The following F11R variants were observed in gnomAD, a reference collection of about 807,000 sequenced individuals.
The protein encoded by F11R is junctional adhesion molecule A.
F11R carries 27 observed loss-of-function variants against 39.3 expected under a neutral mutation model. That is an observed-to-expected ratio of 0.69 (90% CI 0.51 to 0.95). The LOEUF (loss-of-function observed/expected upper bound fraction) is 0.95. F11R is among the 40% of genes least tolerant of loss of function. The pLI, the probability that F11R is intolerant of heterozygous loss-of-function variation, is 0.00. For synonymous variants in F11R, 131 were observed against 144.9 expected, an observed-to-expected ratio of 0.90 and a Z score of 0.69; for missense variants, 335 against 372.7, an observed-to-expected ratio of 0.90 and a Z score of 0.83.
At chr1:161,015,437 C>T (rs1435357181) in intron 1 of F11R, among the ~76,000 whole-genome samples, 1 of 142,210 alleles carries the variant, frequency 7.0e-6, no homozygotes, top group East Asian at 2.0e-4. Context: ...TACACACACA[C>T]AAAAATTAGC....
Position 161,001,276 on chromosome 1 carries a change from C to G in F11R, c.133+9G>C, listed in dbSNP as rs1648472996. Reference sequence around the variant, plus strand: ...ACCCTCACACCCTCCATGGCCCCTCCCAACTCACGATTATTCTCAGGAATT... The same window carrying G: ...ACCCTCACACCCTCCATGGCCCCTCGCAACTCACGATTATTCTCAGGAATT... On this transcript the variant is annotated intron_variant, in intron 2 of 9. Coordinates refer to ENST00000368026, the MANE Select transcript of F11R (RefSeq NM_016946.6). The G allele has an allele frequency of 6.2e-7, 1 of 1,613,834 alleles. No homozygotes were observed. The highest frequency in any genetic ancestry group is 2.2e-5 in the East Asian group (1 of 44,870).
At chr1:161,020,671 C>G (rs1034779208) in intron 1 of F11R, among the ~76,000 whole-genome samples, 6 of 152,148 alleles carry the variant, frequency 3.9e-5, no homozygotes, top group Admixed American at 3.9e-4. Flanking sequence ...GCGTGTGGAG[C>G]GCGCGCTGGG....
At chr1:161,015,075 C>T (rs1297164039) in intron 1 of F11R, among the ~76,000 whole-genome samples, 1 of 141,294 alleles carries the variant, frequency 7.1e-6, no homozygotes, top group Non-Finnish European at 1.5e-5. Flanking sequence ...AAGACTCCAT[C>T]TCAAAAAAAA....
intron 1 of F11R, among the ~76,000 whole-genome samples, chr1:161,006,686 G>A (rs1198737446): frequency 5.9e-5 from 9 of 152,154 alleles, no homozygotes; most frequent in African/African-American, 1.7e-4. Flanking sequence ...GATTAACTAC[G>A]TCTGCCTGTG....
At chr1:160,999,222 GTAACAGGACA>G in intron 8 of F11R, 131 bp from the exon 9 acceptor site, 1 of 1,437,550 alleles carries the variant, frequency 7.0e-7, no homozygotes, top group Middle Eastern at 1.8e-4. Context: ...TATGGGTGGG[GTAACAGGACA>G]GACCCAGGGC....
chr1:161,020,904 G>A (rs1557897321), intron 1 of F11R, 106 bp downstream of exon 1: 7 of 953,468 alleles, frequency 7.3e-6, no homozygotes, highest in Middle Eastern at 2.1e-4. Flanking sequence ...AACGATATAG[G>A]AAGGTTTCTG....
intron 1 of F11R, among the ~76,000 whole-genome samples, chr1:161,015,673 A>AAAC (rs1004320593): frequency 2.6e-5 from 4 of 151,142 alleles, no homozygotes; most frequent in African/African-American, 7.3e-5. Flanking sequence ...CCTGTTTCAA[A>AAAC]AACAACAACA....
chr1:161,007,173 A>C (rs1345172119), intron 1 of F11R, among the ~76,000 whole-genome samples: 1 of 139,424 alleles, frequency 7.2e-6, no homozygotes, highest in Admixed American at 7.3e-5. Context: ...GTCTCAAAAA[A>C]AAAAAAAAAA....
chr1:161,004,042 G>A (rs1648652416), intron 1 of F11R, among the ~76,000 whole-genome samples: 1 of 152,048 alleles, frequency 6.6e-6, no homozygotes, highest in South Asian at 2.1e-4. Context: ...GGGATTACAA[G>A]CGTGAGCCAC....
chr1:161,005,567 T>C (rs1219678006), intron 1 of F11R, among the ~76,000 whole-genome samples: 1 of 151,948 alleles, frequency 6.6e-6, no homozygotes, highest in Non-Finnish European at 1.5e-5. Context: ...GAAACAAGGT[T>C]TCATCATGTT....
chr1:161,007,382 TTGAACCTGGGAGGCAGAGGTTGCAG>T (rs1648878538), intron 1 of F11R, among the ~76,000 whole-genome samples: 6 of 151,590 alleles, frequency 4.0e-5, no homozygotes, highest in Admixed American at 3.9e-4. Flanking sequence ...GGAGAATTGC[TTGAACCTGGGAGGCAGAGGTTGCAG>T]TGAGCCAAGA....
At chr1:161,003,453 G>A (rs1648613279) in intron 1 of F11R, among the ~76,000 whole-genome samples, 1 of 151,976 alleles carries the variant, frequency 6.6e-6, no homozygotes, top group Admixed American at 6.6e-5. Flanking sequence ...AGTAGAGATG[G>A]GGTTTCACCA....
chr1:161,016,404 A>G (rs1240781587), intron 1 of F11R, among the ~76,000 whole-genome samples: 1 of 152,132 alleles, frequency 6.6e-6, no homozygotes, highest in Admixed American at 6.6e-5. Flanking sequence ...TGAACCCGGG[A>G]GGTGGAGTTT....
chr1:161,016,163 A>C (rs1571022720), intron 1 of F11R, among the ~76,000 whole-genome samples: 8 of 151,670 alleles, frequency 5.3e-5, no homozygotes, highest in African/African-American at 1.9e-4. Flanking sequence ...CATGGTGAAA[A>C]CCCGTCTCTA....
chr1:161,020,924 C>T (rs1301447393), intron 1 of F11R, 86 bp downstream of exon 1: 15 of 1,204,480 alleles, frequency 1.2e-5, no homozygotes, highest in African/African-American at 4.5e-5. Flanking sequence ...GAGCTCCTCC[C>T]CTCCCGCGGG....
Position 161,000,229 on chromosome 1 carries a change from C to T in F11R, c.508G>A (p.Gly170Arg). ...PPSEYTWFKD[G>R]IVMPTNPKST... The stretch of plus-strand genomic sequence containing the variant: ...TTGGGATTCGTAGGCATCACTATCC[C>T]ATCTTTGAACCAGGTGTATTCAGAA... The change falls in exon 5 of 10, where the codon GGG (glycine) becomes AGG (arginine). Residue 170 changes from glycine (G) to arginine (R), a missense_variant. By Grantham distance (125) the Gly-to-Arg change is moderately radical (BLOSUM62 -2). Coordinates refer to ENST00000368026, the MANE Select transcript of F11R (RefSeq NM_016946.6). 1 of 1,614,150 alleles carries T rather than the reference C, an allele frequency of 6.2e-7. No individual in the cohort carries two copies. Among genetic ancestry groups the T allele is most frequent in the Non-Finnish European group, 8.5e-7 (1 of 1,180,034 alleles).
chr1:161,019,781 A>G (rs889481441), intron 1 of F11R, among the ~76,000 whole-genome samples: 4 of 152,178 alleles, frequency 2.6e-5, no homozygotes, highest in African/African-American at 9.7e-5. Context: ...TTCCATTCCC[A>G]GGTTCCACCC....
chr1:161,001,351 A>G lies in F11R; in HGVS notation c.67T>C (p.Ser23Pro), dbSNP rs1648478320. The G allele has an allele frequency of 6.2e-7, 1 of 1,613,802 alleles. No homozygotes were observed. Among genetic ancestry groups the G allele is most frequent in the Admixed American group, 1.7e-5 (1 of 59,998 alleles). ...CLFILAILLC[S>P]LALGSVTVHS... is the part of the protein sequence containing the mutation. ...ACTGTAACACTGCCCAATGCCAGGG[A>G]GCCTAAGGAGAAAGAAAGAGGTGGG... Residue 23 changes from serine to proline, a missense_variant and splice_region_variant, in exon 2 of 10, where the codon TCC (serine) becomes CCC (proline). By Grantham distance (74) the Ser-to-Pro change is moderately conservative. Transcript: ENST00000368026.
intron 5 of F11R, 32 bp downstream of exon 5, chr1:161,000,114 C>T: frequency 1.2e-6 from 2 of 1,612,388 alleles, no homozygotes; most frequent in South Asian, 2.2e-5. Context: ...ACTGCATCCC[C>T]CACACATCTT....
Sources: allele counts gnomAD v4.1 joint callset (sites outside exome capture counted in the v4.1 genomes callset), GRCh38; gene constraint gnomAD v4.1.1; transcripts MANE v1.5; gene names NCBI Gene and HGNC (gene_info 2026-07-23, HGNC 2026-07-21).